CACUL1: variants seen among roughly 807,000 people sequenced by gnomAD.
The protein encoded by CACUL1 is CDK2 associated cullin domain 1, also known as CDK2-associated and cullin domain-containing protein 1.
In CACUL1, 13 loss-of-function variants were observed where a neutral mutation model predicts 45.2. That is an observed-to-expected ratio of 0.29 (90% CI 0.19 to 0.46). CACUL1 has a LOEUF of 0.46. Among genes scored for constraint, CACUL1 ranks in the 20% least tolerant of loss-of-function variants. The pLI is 1.00. For missense variants in CACUL1, 421 were observed against 471.4 expected (o/e 0.89, Z 0.99); for synonymous variants, 197 against 174.2 (o/e 1.13, Z -1.03).
chr10:118,730,996 T>A (rs1475447896), intron 1 of CACUL1, among the ~76,000 whole-genome samples: 20 of 152,296 alleles, frequency 1.3e-4, no homozygotes, highest in African/African-American at 4.8e-4. Context: ...TATCTTAAAC[T>A]GGATAAGCCC....
rs78441866 is a variant in CACUL1 at position 118,751,528 on chromosome 10, G to A, written c.367+2868C>T. 3.1e-3 allele frequency among the ~76,000 whole-genome samples: 469 copies of A among 152,204 alleles called. 1 individual carries two copies. The highest frequency in any genetic ancestry group is 0.01 in the African/African-American group (431 of 41,550). ...TTCCCAACTTTTATACATGTATCCA[G>A]GTAAGTCTCTGCCCTCCAATTTGTT... On this transcript the variant is annotated intron_variant, in intron 1 of 8. Coordinates refer to ENST00000369151, the MANE Select transcript of CACUL1 (RefSeq NM_153810.5).
intron 8 of CACUL1, 27 bp downstream of exon 8, chr10:118,686,566 CCATCA>C: frequency 1.0e-5 from 16 of 1,554,268 alleles, no homozygotes; most frequent in Non-Finnish European, 1.3e-5. Context: ...CATCACAGAA[CCATCA>C]AGATGGGAAG....
intron 3 of CACUL1, among the ~76,000 whole-genome samples, chr10:118,719,742 C>G (rs975961868): frequency 6.6e-6 from 1 of 151,412 alleles, no homozygotes; most frequent in Non-Finnish European, 1.5e-5. Flanking sequence ...ATCCTGGAGG[C>G]GGAGGTTGCG....
chr10:118,730,987 A>G (rs1021564598), intron 1 of CACUL1, among the ~76,000 whole-genome samples: 1 of 152,186 alleles, frequency 6.6e-6, no homozygotes, highest in Non-Finnish European at 1.5e-5. Context: ...GGCTGCTACT[A>G]TCTTAAACTG....
Position 118,701,342 on chromosome 10 carries a change from C to T in CACUL1, c.760G>A (p.Glu254Lys), listed in dbSNP as rs372667915. The change falls in exon 5 of 9, where the codon GAA becomes AAA. Residue 254 changes from glutamate to lysine, a missense_variant. By Grantham distance (56) the Glu-to-Lys change is moderately conservative. Around this residue, in one of 2 missense-constraint regions of CACUL1, gnomAD observed 208 missense variants for 298.4 expected, o/e 0.70. Coordinates refer to ENST00000369151, the MANE Select transcript of CACUL1 (RefSeq NM_153810.5). ...LKDDLIKLFT[E>K]HVAEKHIYSL... The stretch of plus-strand genomic sequence containing the variant: ...TAAATGTGCTTTTCTGCAACATGTT[C>T]CGTAAACAGCTTTATAAGGTCATCT... The T allele has an allele frequency of 1.2e-5, 19 of 1,575,066 alleles. No individual in the cohort carries two copies. The highest frequency in any genetic ancestry group is 4.0e-5 in the African/African-American group (3 of 74,470).
intron 1 of CACUL1, among the ~76,000 whole-genome samples, chr10:118,746,151 CAA>C (rs376453440): frequency 0.071 from 6,481 of 91,146 alleles, 514 homozygotes; most frequent in African/African-American, 0.22. Flanking sequence ...GACACTGTCT[CAA>C]AAAAAAAAAA....
At chr10:118,742,595 GT>G (rs1334544342) in intron 1 of CACUL1, among the ~76,000 whole-genome samples, 2 of 152,174 alleles carry the variant, frequency 1.3e-5, no homozygotes, top group Non-Finnish European at 2.9e-5. Context: ...AATGGGGCCA[GT>G]TTGGTGGAGT....
intron 1 of CACUL1, among the ~76,000 whole-genome samples, chr10:118,745,675 T>C (rs1845836880): frequency 6.6e-6 from 1 of 152,174 alleles, no homozygotes; most frequent in Admixed American, 6.5e-5. Context: ...GTAACTACAT[T>C]AAACACAATG....
chr10:118,704,559 T>C (rs1287650507), intron 4 of CACUL1, among the ~76,000 whole-genome samples: 3 of 152,236 alleles, frequency 2.0e-5, no homozygotes, highest in Non-Finnish European at 2.9e-5. Flanking sequence ...GTCTTCCCGT[T>C]TGGCACACTT....
intron 1 of CACUL1, among the ~76,000 whole-genome samples, chr10:118,743,275 A>G (rs753381118): frequency 6.6e-6 from 1 of 152,180 alleles, no homozygotes; most frequent in Non-Finnish European, 1.5e-5. Flanking sequence ...ATGTGTAACT[A>G]GTGGCAGGGG....
intron 1 of CACUL1, among the ~76,000 whole-genome samples, chr10:118,741,678 G>C (rs1390174828): frequency 1.3e-5 from 2 of 151,934 alleles, no homozygotes; most frequent in African/African-American, 2.4e-5. Flanking sequence ...TCCATCTCTT[G>C]TCTAGATTAC....
At chr10:118,736,367 T>C (rs1425824237) in intron 1 of CACUL1, among the ~76,000 whole-genome samples, 1 of 152,074 alleles carries the variant, frequency 6.6e-6, no homozygotes, top group Non-Finnish European at 1.5e-5. Context: ...TACAGGAAGC[T>C]AAGGTTGATT....
chr10:118,730,027 T>C (rs1845684013), intron 2 of CACUL1, among the ~76,000 whole-genome samples: 1 of 152,260 alleles, frequency 6.6e-6, no homozygotes, highest in Admixed American at 6.5e-5. Flanking sequence ...TCAGTCATTC[T>C]TGCTTTTATT....
intron 3 of CACUL1, among the ~76,000 whole-genome samples, chr10:118,720,034 C>A (rs1197910242): frequency 3.3e-5 from 5 of 152,070 alleles, no homozygotes; most frequent in Non-Finnish European, 5.9e-5. Flanking sequence ...ACAATAAAGT[C>A]AATTGAGTCT....
chr10:118,726,444 C>A (rs1845652170), intron 3 of CACUL1: 5 of 573,164 alleles, frequency 8.7e-6, no homozygotes, highest in Non-Finnish European at 1.3e-5. Flanking sequence ...AGTCCCTCCC[C>A]CTCAAGGAAG....
chr10:118,723,196 C>T (rs1044575805), intron 3 of CACUL1, among the ~76,000 whole-genome samples: 1 of 152,044 alleles, frequency 6.6e-6, no homozygotes, highest in African/African-American at 2.4e-5. Context: ...AAAATCCTTT[C>T]TTGATTTCTT....
At chr10:118,695,292 T>C (rs1274184647) in intron 5 of CACUL1, 62 bp from the exon 6 acceptor site, 2 of 930,190 alleles carry the variant, frequency 2.2e-6, no homozygotes, top group East Asian at 4.9e-5. Context: ...ATTTCTCTAT[T>C]ACTGTTTCTC....
chr10:118,733,446 T>A (rs1845715655), intron 1 of CACUL1, among the ~76,000 whole-genome samples: 1 of 152,172 alleles, frequency 6.6e-6, no homozygotes, highest in African/African-American at 2.4e-5. Flanking sequence ...CTAGCTAACA[T>A]AACTTTCTTC....
At position 118,678,620 on chromosome 10, in the gene CACUL1, T is replaced by G. The variant is rs1366052043; in HGVS notation, c.*7508A>C. 2.1e-5 allele frequency: 2 copies of G among 97,448 alleles called. No homozygotes were observed. The highest frequency in any genetic ancestry group is 5.3e-5 in the African/African-American group (1 of 18,712). 6.0% of individuals were successfully genotyped at this position (97,448 alleles called of 1,614,324 possible). On this transcript the variant is annotated 3_prime_UTR_variant, in exon 9 of 9. Transcript: ENST00000369151. ...TCTACACTTATTTAGGTCCATTAAG[T>G]TTTTTTTTTATCATTTTCTCATTTT...
Sources: gnomAD v4.1 joint callset for allele counts (sites outside exome capture counted in the v4.1 genomes callset) on GRCh38, gnomAD v4.1.1 for gene constraint, gnomAD v4.1.1 regional missense constraint, MANE v1.5 for transcripts, NCBI Gene and HGNC (gene_info 2026-07-23, HGNC 2026-07-21) for gene names.